The following NUDT5 variants were observed in gnomAD, a reference collection of about 807,000 sequenced individuals.
The protein encoded by NUDT5 is nudix hydrolase 5, also known as ADP-sugar pyrophosphatase.
NUDT5 carries 21 observed loss-of-function variants against 34.1 expected under a neutral mutation model. That is an observed-to-expected ratio of 0.62 (90% CI 0.44 to 0.89). The LOEUF is 0.89. Among genes scored for constraint, NUDT5 ranks in the 40% least tolerant of loss-of-function variants. The probability of loss-of-function intolerance (pLI) is 0.00; values close to 1 mark genes in which losing one functional copy is unlikely to be tolerated. For synonymous variants in NUDT5, 85 were observed against 97.6 expected, an observed-to-expected ratio of 0.87 and a Z score of 0.76; for missense variants, 249 against 274.8, an observed-to-expected ratio of 0.91 and a Z score of 0.66.
Position 12,173,789 on chromosome 10 carries a change from G to C in NUDT5, c.314C>G (p.Pro105Arg). 1 of 1,613,700 alleles carries C rather than the reference G, an allele frequency of 6.2e-7. No homozygotes were observed. The highest frequency in any genetic ancestry group is 2.2e-5 in the East Asian group (1 of 44,866). Residue 105 changes from proline (P) to arginine (R), a missense_variant, in exon 6 of 10, where the codon CCA (proline) becomes CGA (arginine). Physicochemically the swap from Pro to Arg is moderately radical, Grantham distance 103. Transcript: ENST00000491614. The surrounding 1 kb of genome is among the most constrained non-coding windows in gnomAD (Gnocchi z 4.7). ...PAGLIDDGET[P>R]EAAALRELEE... The stretch of plus-strand genomic sequence containing the variant: ...AAGCTCCCGGAGAGCAGCTGCTTCT[G>C]GGGTTTCACCATCATCTATGAGACC...
intron 2 of NUDT5, 40 bp downstream of exon 2, chr10:12,186,189 T>TA (rs772074585): frequency 1.4e-6 from 2 of 1,405,762 alleles, no homozygotes; most frequent in South Asian, 2.3e-5. Flanking sequence ...AACTCAGATT[T>TA]ATGTGGGGGA....
At position 12,173,662 on chromosome 10, in the gene NUDT5, A is replaced by T. The variant is rs141305306; in HGVS notation, c.385+56T>A. The T allele has an allele frequency of 1.6e-6, 2 of 1,285,702 alleles. No homozygotes were observed. The highest frequency in any genetic ancestry group is 2.9e-5 in the African/African-American group (2 of 68,560). 79.6% of individuals were successfully genotyped at this position (1,285,702 alleles called of 1,614,324 possible). A position where few individuals can be genotyped will look rare whatever the true frequency, so the allele number is the denominator to read the frequency against. ...GAGCGTAAAGAACACCCAAATAATCAATCCCTTCCCAGACGGAGGAATCCA... is the reference window on the plus strand; with the variant it reads ...GAGCGTAAAGAACACCCAAATAATCTATCCCTTCCCAGACGGAGGAATCCA... On this transcript the variant is annotated intron_variant, in intron 6 of 9. Coordinates refer to ENST00000491614, the MANE Select transcript of NUDT5 (RefSeq NM_014142.4). The surrounding 1 kb of genome is among the most constrained non-coding windows in gnomAD (Gnocchi z 4.7).
At position 12,169,091 on chromosome 10, in the gene NUDT5, T is replaced by A. The variant is rs866209689; in HGVS notation, c.551-1280A>T. On this transcript the variant is annotated intron_variant, in intron 9 of 9. Coordinates refer to ENST00000491614, the MANE Select transcript of NUDT5 (RefSeq NM_014142.4). This position sits in a 1 kb window ranked among gnomAD's most constrained non-coding sequence, Gnocchi z 4.8. ...AAACTGATCTTAAAATGTAATACTT[T>A]CCTTCCGACTTCTCAAATGTTGCTG... Among the ~76,000 whole-genome samples, 1 of 152,196 alleles carries A rather than the reference T, an allele frequency of 6.6e-6. No individual in the cohort carries two copies. The highest frequency in any genetic ancestry group is 1.5e-5 in the Non-Finnish European group (1 of 68,036).
Position 12,175,978 on chromosome 10 carries a change from C to T in NUDT5, c.289+1815G>A, listed in dbSNP as rs955278347. Among the ~76,000 whole-genome samples the T allele has an allele frequency of 6.6e-5, 10 of 152,064 alleles. No homozygotes were observed. Among genetic ancestry groups the T allele is most frequent in the Admixed American group, 5.2e-4 (8 of 15,260 alleles). On this transcript the variant is annotated intron_variant, in intron 5 of 9. Coordinates refer to ENST00000491614, the MANE Select transcript of NUDT5 (RefSeq NM_014142.4). The surrounding 1 kb of genome is among the most constrained non-coding windows in gnomAD (Gnocchi z 4.8). ...GGCGTGGTGGCTCACGCCTGTAATCCCAGCACTTTGGGAGGCCGAGACCAG... is the reference window on the plus strand; with the variant it reads ...GGCGTGGTGGCTCACGCCTGTAATCTCAGCACTTTGGGAGGCCGAGACCAG...
chr10:12,172,307 G>A (rs560283693), intron 7 of NUDT5, among the ~76,000 whole-genome samples: 9 of 151,738 alleles, frequency 5.9e-5, no homozygotes, highest in Non-Finnish European at 8.8e-5. Flanking sequence ...GAGAGACATG[G>A]TCTCATTCTG....
Position 12,175,967 on chromosome 10 carries a change from C to T in NUDT5, c.289+1826G>A, listed in dbSNP as rs545924943. ...TAGCCTGGCCAGGCGTGGTGGCTCA[C>T]GCCTGTAATCCCAGCACTTTGGGAG... is the stretch of plus-strand genomic sequence containing the variant. On this transcript the variant is annotated intron_variant, in intron 5 of 9. Coordinates refer to ENST00000491614, the MANE Select transcript of NUDT5 (RefSeq NM_014142.4). This position sits in a 1 kb window ranked among gnomAD's most constrained non-coding sequence, Gnocchi z 4.8. Among the ~76,000 whole-genome samples the T allele has an allele frequency of 2.4e-3, 366 of 152,216 alleles. 3 individuals are homozygous for T. The highest frequency in any genetic ancestry group is 3.8e-3 in the Non-Finnish European group (261 of 68,014).
At position 12,170,210 on chromosome 10, in the gene NUDT5, C is replaced by T. The variant is rs1022369750; in HGVS notation, c.550+507G>A. On this transcript the variant is annotated intron_variant, in intron 9 of 9. Coordinates refer to ENST00000491614, the MANE Select transcript of NUDT5 (RefSeq NM_014142.4). The surrounding 1 kb of genome is among the most constrained non-coding windows in gnomAD (Gnocchi z 4.9). Reference sequence around the variant, plus strand: ...AATGCATCTACATGACCAGTGATTTCTAAGGGCCACACAGCTGGTTTGGTT... The same window carrying T: ...AATGCATCTACATGACCAGTGATTTTTAAGGGCCACACAGCTGGTTTGGTT... The T allele has an allele frequency of 6.2e-7, 1 of 1,610,578 alleles. No homozygotes were observed. The highest frequency in any genetic ancestry group is 8.5e-7 in the Non-Finnish European group (1 of 1,177,832).
rs769182906 is a variant in NUDT5 at position 12,187,900 on chromosome 10, G to C, written c.-41-1568C>G. On this transcript the variant is annotated intron_variant, in intron 1 of 9. Coordinates refer to ENST00000491614, the MANE Select transcript of NUDT5 (RefSeq NM_014142.4). The surrounding 1 kb of genome is among the most constrained non-coding windows in gnomAD (Gnocchi z 5.4). ...GACCAGGCACAGTGGCTCACACCTG[G>C]AATCCTAGCCCTTTGGGGGACCAAG... Among the ~76,000 whole-genome samples the C allele has an allele frequency of 3.3e-5, 5 of 151,994 alleles. No homozygotes were observed. Among genetic ancestry groups the C allele is most frequent in the African/African-American group, 4.8e-5 (2 of 41,368 alleles).
Position 12,166,838 on chromosome 10 carries a change from C to T in NUDT5, c.*864G>A, listed in dbSNP as rs1295045589. ...AACTGCTAGATGACAGGGTTTCAGGCATGGGAACCAGATCAATCTGTACTT... is the reference window on the plus strand; with the variant it reads ...AACTGCTAGATGACAGGGTTTCAGGTATGGGAACCAGATCAATCTGTACTT... On this transcript the variant is annotated 3_prime_UTR_variant, in exon 10 of 10. Transcript: ENST00000491614. 2.2e-6 allele frequency: 1 copy of T among 449,786 alleles called. No individual in the cohort carries two copies. Among genetic ancestry groups the T allele is most frequent in the East Asian group, 7.1e-5 (1 of 14,180 alleles). 27.9% of individuals were successfully genotyped at this position (449,786 alleles called of 1,614,324 possible).
At chr10:12,176,657 T>C (rs1025441033) in intron 5 of NUDT5, among the ~76,000 whole-genome samples, 5 of 152,160 alleles carry the variant, frequency 3.3e-5, no homozygotes, top group Non-Finnish European at 7.4e-5. Flanking sequence ...AGATTTAATC[T>C]CTTTAGATGG....
rs1341646067 is a variant in NUDT5 at position 12,171,272 on chromosome 10, C to T, written c.488-364G>A. 6.6e-6 allele frequency among the ~76,000 whole-genome samples: 1 copy of T among 152,214 alleles called. No homozygotes were observed. Among genetic ancestry groups the T allele is most frequent in the Non-Finnish European group, 1.5e-5 (1 of 68,038 alleles). ...CCACCACCAGTATCCATCTCCAGAACTTTTCATGACACCCAACAGAAACTC... is the reference window on the plus strand; with the variant it reads ...CCACCACCAGTATCCATCTCCAGAATTTTTCATGACACCCAACAGAAACTC... On this transcript the variant is annotated intron_variant, in intron 7 of 9. Transcript: ENST00000491614. This position sits in a 1 kb window ranked among gnomAD's most constrained non-coding sequence, Gnocchi z 4.2.
Position 12,181,126 on chromosome 10 carries a change from C to G in NUDT5, c.132-1994G>C, listed in dbSNP as rs1347854443. ...TTGAAAATATTTAGGAAAAAAATTG[C>G]ATCTATACTGAACAGGTCCACACTT... is the stretch of plus-strand genomic sequence containing the variant. On this transcript the variant is annotated intron_variant, in intron 3 of 9. Transcript: ENST00000491614. This position sits in a 1 kb window ranked among gnomAD's most constrained non-coding sequence, Gnocchi z 5.0. Among the ~76,000 whole-genome samples the G allele has an allele frequency of 6.6e-6, 1 of 152,156 alleles. No individual in the cohort carries two copies. Among genetic ancestry groups the G allele is most frequent in the African/African-American group, 2.4e-5 (1 of 41,434 alleles).
At position 12,181,879 on chromosome 10, in the gene NUDT5, C is replaced by A. The variant is rs1835048755; in HGVS notation, c.132-2747G>T. On this transcript the variant is annotated intron_variant, in intron 3 of 9. Transcript: ENST00000491614. The surrounding 1 kb of genome is among the most constrained non-coding windows in gnomAD (Gnocchi z 5.0). ...TATGGCCGGATGCGGTGGCTCACGACTGTAGTCCTAGCACTTTGGGAGGCC... is the reference window on the plus strand; with the variant it reads ...TATGGCCGGATGCGGTGGCTCACGAATGTAGTCCTAGCACTTTGGGAGGCC... Among the ~76,000 whole-genome samples, 1 of 152,046 alleles carries A rather than the reference C, an allele frequency of 6.6e-6. No homozygotes were observed. The highest frequency in any genetic ancestry group is 2.1e-4 in the South Asian group (1 of 4,812).
In NUDT5 at chr10:12,165,380, G is replaced by A. The variant is rs1834644987; in HGVS notation, c.*2322C>T. The stretch of plus-strand genomic sequence containing the variant: ...TTAAGAAAACTGATTCAGTTGTGTT[G>A]GAAAAAATAAAGAAATCTGATATTA... On this transcript the variant is annotated 3_prime_UTR_variant, in exon 10 of 10. Transcript: ENST00000491614. 3.1e-6 allele frequency: 3 copies of A among 969,638 alleles called. No individual in the cohort carries two copies. Among genetic ancestry groups the A allele is most frequent in the Non-Finnish European group, 3.7e-6 (3 of 815,782 alleles). The allele number at this position is 969,638 out of a possible 1,614,324, so 60.1% of individuals were successfully genotyped here. A position where few individuals can be genotyped will look rare whatever the true frequency, so the allele number is the denominator to read the frequency against.
At chr10:12,167,879 G>T in intron 9 of NUDT5, 68 bp from the exon 10 acceptor site, 1 of 1,598,108 alleles carries the variant, frequency 6.3e-7, no homozygotes, top group Non-Finnish European at 8.5e-7. Context: ...TATTCAATCA[G>T]TGTTTGCGCA....
intron 1 of NUDT5, among the ~76,000 whole-genome samples, chr10:12,190,263 T>C (rs1835200800): frequency 6.6e-6 from 1 of 152,226 alleles, no homozygotes; most frequent in Non-Finnish European, 1.5e-5. Flanking sequence ...TAAATCGTTT[T>C]AACTCAGTTC....
At chr10:12,194,660 G>A (rs903807401) in intron 1 of NUDT5, among the ~76,000 whole-genome samples, 1 of 152,238 alleles carries the variant, frequency 6.6e-6, no homozygotes, top group African/African-American at 2.4e-5. Context: ...CTGGGGGGAA[G>A]AGTTTCTAAC....
chr10:12,179,057 G>A (rs901494266), intron 4 of NUDT5, 26 bp downstream of exon 4: 15 of 1,600,408 alleles, frequency 9.4e-6, no homozygotes, highest in Non-Finnish European at 1.3e-5. Context: ...CCTTTCTAAA[G>A]GGTTGGAATA....
Position 12,182,292 on chromosome 10 carries a change from T to C in NUDT5, c.131+2597A>G, listed in dbSNP as rs1835055288. Among the ~76,000 whole-genome samples the C allele has an allele frequency of 6.6e-6, 1 of 152,172 alleles. No individual in the cohort carries two copies. Among genetic ancestry groups the C allele is most frequent in the South Asian group, 2.1e-4 (1 of 4,828 alleles). ...TCCAGCTGGGGCATCATGTTGGCAA[T>C]GAAAAGGTTTTGGATTTTGCAGCAT... is the stretch of plus-strand genomic sequence containing the variant. On this transcript the variant is annotated intron_variant, in intron 3 of 9. Coordinates refer to ENST00000491614, the MANE Select transcript of NUDT5 (RefSeq NM_014142.4). This position sits in a 1 kb window ranked among gnomAD's most constrained non-coding sequence, Gnocchi z 4.3.
Sources: gnomAD v4.1 joint callset for allele counts (sites outside exome capture counted in the v4.1 genomes callset) on GRCh38, gnomAD v4.1.1 for gene constraint, Gnocchi (gnomAD v3.1) non-coding constraint, MANE v1.5 for transcripts, NCBI Gene and HGNC (gene_info 2026-07-23, HGNC 2026-07-21) for gene names.